Variants in TET1 observed in about 807,000 individuals in gnomAD.
TET1 encodes methylcytosine dioxygenase TET1.
A neutral mutation model predicts 148.7 loss-of-function variants in TET1; 13 were observed. The ratio of observed to expected loss-of-function variants is 0.09; its 90% confidence interval spans 0.06 to 0.14. TET1 has a LOEUF of 0.14. Ranked by LOEUF, TET1 falls within the 10% of genes least tolerant of loss-of-function variation. TET1 has a pLI of 1.00. For synonymous variants in TET1, 907 were observed against 937.2 expected (o/e 0.97, Z 0.59); for missense variants, 2,182 against 2,553.8 (o/e 0.85, Z 3.14).
Position 68,691,933 on chromosome 10 carries a change from A to G in TET1, c.*119A>G. On this transcript the variant is annotated 3_prime_UTR_variant, in exon 12 of 12. Transcript: ENST00000373644. This position sits in a 1 kb window ranked among gnomAD's most constrained non-coding sequence, Gnocchi z 4.4. ...TCTCACCCATTTCAAGTCTGAGGTA[A>G]AAAAATAATAATGATAACAAAACGG... 1 of 1,222,390 alleles carries G rather than the reference A, an allele frequency of 8.2e-7. No homozygotes were observed. The highest frequency in any genetic ancestry group is 1.1e-6 in the Non-Finnish European group (1 of 889,416). The allele number at this position is 1,222,390 out of a possible 1,614,324, so 75.7% of individuals were successfully genotyped here. A position where few individuals can be genotyped will look rare whatever the true frequency, so the allele number is the denominator to read the frequency against.
intron 3 of TET1, among the ~76,000 whole-genome samples, chr10:68,603,118 G>A (rs1345771430): frequency 6.6e-6 from 1 of 152,112 alleles, no homozygotes; most frequent in East Asian, 1.9e-4. Flanking sequence ...TGCTACCTGG[G>A]GGACCAGTGA....
In TET1 at chr10:68,569,416, C is replaced by T. The variant is rs188175583; in HGVS notation, c.-122-2801C>T. The stretch of plus-strand genomic sequence containing the variant: ...GTCTCGATCTCCTGACCTCGTGATC[C>T]GCCCACCTCGGCCTCCCAAAGTGCT... On this transcript the variant is annotated intron_variant, in intron 1 of 11. Transcript: ENST00000373644. Among the ~76,000 whole-genome samples the T allele has an allele frequency of 3.6e-3, 551 of 151,916 alleles. 4 individuals carry two copies. Among genetic ancestry groups the T allele is most frequent in the African/African-American group, 0.013 (518 of 41,412 alleles).
intron 6 of TET1, among the ~76,000 whole-genome samples, chr10:68,656,656 T>C (rs1361107853): frequency 2.0e-5 from 3 of 152,240 alleles, no homozygotes; most frequent in Admixed American, 6.5e-5. Context: ...CAGAGAGCAA[T>C]GCCGAGCCTA....
At chr10:68,680,682 G>C (rs1346042384) in intron 8 of TET1, among the ~76,000 whole-genome samples, 3 of 152,188 alleles carry the variant, frequency 2.0e-5, no homozygotes, top group Non-Finnish European at 1.5e-5. Context: ...GAAAAAATCT[G>C]ATGTCTCTAT....
At chr10:68,608,776 TC>T (rs1215031270) in intron 3 of TET1, among the ~76,000 whole-genome samples, 1 of 152,150 alleles carries the variant, frequency 6.6e-6, no homozygotes, top group Non-Finnish European at 1.5e-5. Context: ...CCTCAGGTGA[TC>T]CGCCTACCTC....
chr10:68,566,552 T>C (rs191973763), intron 1 of TET1, among the ~76,000 whole-genome samples: 76 of 152,264 alleles, frequency 5.0e-4, no homozygotes, highest in African/African-American at 1.7e-3. Context: ...AAGTGAAGTA[T>C]TCTCTGGCCT....
At chr10:68,601,363 C>T (rs2054053421) in intron 3 of TET1, among the ~76,000 whole-genome samples, 1 of 152,088 alleles carries the variant, frequency 6.6e-6, no homozygotes, top group Non-Finnish European at 1.5e-5. Context: ...AAACTTAAGC[C>T]CTTTAGAAGA....
At chr10:68,643,496 G>A (rs1239720768) in intron 3 of TET1, among the ~76,000 whole-genome samples, 2 of 152,014 alleles carry the variant, frequency 1.3e-5, no homozygotes. Flanking sequence ...CTTTCTATGT[G>A]TATGTTCTAC....
At position 68,572,207 on chromosome 10, in the gene TET1, G is replaced by T; in HGVS notation, c.-122-10G>T. 1.4e-6 allele frequency: 1 copy of T among 707,906 alleles called. No homozygotes were observed. The highest frequency in any genetic ancestry group is 2.4e-6 in the Non-Finnish European group (1 of 425,500). 43.9% of individuals were successfully genotyped at this position (707,906 alleles called of 1,614,324 possible). On this transcript the variant is annotated splice_polypyrimidine_tract_variant and intron_variant, in intron 1 of 11. Coordinates refer to ENST00000373644, the MANE Select transcript of TET1 (RefSeq NM_030625.3). ...AAGACTCACTTCAGTGTATTCTGTT[G>T]TTATTTCAGACCAAAACCTTGTGTG...
intron 2 of TET1, among the ~76,000 whole-genome samples, chr10:68,574,504 G>GT (rs143072711): frequency 6.6e-6 from 1 of 152,142 alleles, no homozygotes; most frequent in Non-Finnish European, 1.5e-5. Flanking sequence ...AGAACATACA[G>GT]TTTTTTTCTC....
At chr10:68,570,760 G>A (rs951558528) in intron 1 of TET1, among the ~76,000 whole-genome samples, 2 of 151,278 alleles carry the variant, frequency 1.3e-5, no homozygotes, top group Non-Finnish European at 2.9e-5. Context: ...CTCCTGAGTA[G>A]CTGGGACTAC....
At chr10:68,606,688 T>G (rs2054130519) in intron 3 of TET1, among the ~76,000 whole-genome samples, 1 of 151,782 alleles carries the variant, frequency 6.6e-6, no homozygotes, top group South Asian at 2.1e-4. Flanking sequence ...AATGGGCCAG[T>G]GAGGAAAAAA....
At chr10:68,669,887 A>G (rs1050378885) in intron 7 of TET1, among the ~76,000 whole-genome samples, 1 of 147,076 alleles carries the variant, frequency 6.8e-6, no homozygotes, top group East Asian at 2.0e-4. Flanking sequence ...CTGGTCTCAA[A>G]CCCGCCTCAG....
Position 68,646,604 on chromosome 10 carries a change from C to T in TET1, c.3875C>T (p.Ala1292Val), listed in dbSNP as rs1241035871. ...YNSQVQLTVNANQKAHPLTQP... is the reference protein window; with the variant it reads ...YNSQVQLTVNVNQKAHPLTQP... ...TCTCAGGTACAGTTAACGGTGAATG[C>T]CAATCAGAAAGCCCATCCTTTGACC... Residue 1292 changes from alanine (A) to valine (V), a missense_variant, in exon 4 of 12, where the codon GCC (alanine) becomes GTC (valine). Ala to Val is a moderately conservative substitution (Grantham distance 64). Around this residue, in one of 11 missense-constraint regions of TET1, gnomAD observed 582 missense variants for 599.5 expected, o/e 0.97. Coordinates refer to ENST00000373644, the MANE Select transcript of TET1 (RefSeq NM_030625.3). 6.2e-7 allele frequency: 1 copy of T among 1,614,146 alleles called. No homozygotes were observed. Among genetic ancestry groups the T allele is most frequent in the Non-Finnish European group, 8.5e-7 (1 of 1,180,020 alleles).
rs544163759 is a variant in TET1, at chr10:68,669,366, G to A, written c.4673+2110G>A. The stretch of plus-strand genomic sequence containing the variant: ...CACTCTGTCGCCCAGGTTGAGTTGC[G>A]GTGGCGTGACCTCAGCTCACTGCAA... On this transcript the variant is annotated intron_variant, in intron 7 of 11. Transcript: ENST00000373644. Among the ~76,000 whole-genome samples, 18 of 151,200 alleles carry A rather than the reference G, an allele frequency of 1.2e-4. No individual in the cohort carries two copies. The East Asian group carries it at 3.5e-3, about 29-fold the overall frequency.
chr10:68,603,103 G>T (rs557160191), intron 3 of TET1, among the ~76,000 whole-genome samples: 2 of 152,242 alleles, frequency 1.3e-5, no homozygotes, highest in Non-Finnish European at 2.9e-5. Flanking sequence ...AACATTCTAG[G>T]AGCATGCTAC....
At chr10:68,647,748 T>TG (rs1564991887) in intron 4 of TET1, among the ~76,000 whole-genome samples, 4 of 152,224 alleles carry the variant, frequency 2.6e-5, no homozygotes, top group Non-Finnish European at 5.9e-5. Flanking sequence ...ATGTAAAACA[T>TG]ATGTATAAGT....
At chr10:68,605,559 G>C (rs111858486) in intron 3 of TET1, among the ~76,000 whole-genome samples, 1 of 152,142 alleles carries the variant, frequency 6.6e-6, no homozygotes, top group Non-Finnish European at 1.5e-5. Flanking sequence ...TGTCACTAAG[G>C]CTGGAGTGCA....
rs192974713 is a variant in TET1, at chr10:68,585,698, A to G, written c.1914+11446A>G. On this transcript the variant is annotated intron_variant, in intron 2 of 11. Coordinates refer to ENST00000373644, the MANE Select transcript of TET1 (RefSeq NM_030625.3). The stretch of plus-strand genomic sequence containing the variant: ...ACTCCCTGAAATAAAAACAAATCAA[A>G]GAATCAGACCACTTAAAAAAAATTT... Among the ~76,000 whole-genome samples, 239 of 152,234 alleles carry G rather than the reference A, an allele frequency of 1.6e-3. 2 individuals carry two copies. Among genetic ancestry groups the G allele is most frequent in the African/African-American group, 5.7e-3 (235 of 41,548 alleles).
Sources: allele counts gnomAD v4.1 joint callset (sites outside exome capture counted in the v4.1 genomes callset), GRCh38; gene constraint gnomAD v4.1.1; regional missense constraint gnomAD v4.1.1; non-coding constraint Gnocchi (gnomAD v3.1); transcripts MANE v1.5; gene names NCBI Gene and HGNC (gene_info 2026-07-23, HGNC 2026-07-21).